RDH13: variants seen among roughly 807,000 people sequenced by gnomAD.
RDH13 encodes retinol dehydrogenase 13 (all-trans and 9-cis).
A neutral mutation model predicts 28.3 loss-of-function variants in RDH13; 35 were observed. That is an observed-to-expected ratio of 1.24 (90% CI 0.95 to 1.64). The LOEUF (loss-of-function observed/expected upper bound fraction) is 1.64. RDH13 is among the 40% of genes most tolerant of loss of function. RDH13 has a pLI of 0.00. For synonymous variants in RDH13, 229 were observed against 198.5 expected, an observed-to-expected ratio of 1.15 and a Z score of -1.29; for missense variants, 514 against 446.3, an observed-to-expected ratio of 1.15 and a Z score of -1.37.
In RDH13 at chr19:55,047,302, C is replaced by CT; in HGVS notation, c.760+84dup. On this transcript the variant is annotated intron_variant, in intron 6 of 6. Transcript: ENST00000415061. ...GCAGGCATGAGGCCTCAGGGACGGT[C>CT]TCTGAGGGAGGGTCCTGGGCCCTGG... 3 of 1,540,386 alleles carry CT rather than the reference C, an allele frequency of 1.9e-6. No individual in the cohort carries two copies. The Admixed American group carries it at 5.9e-5, about 30-fold the overall frequency.
upstream of RDH13, among the ~76,000 whole-genome samples, chr19:55,066,720 TG>T (rs2075970315): frequency 6.6e-6 from 1 of 151,312 alleles, no homozygotes; most frequent in Non-Finnish European, 1.5e-5. Flanking sequence ...TCTCTTCTTG[TG>T]TGTGTCTCTC....
chr19:55,062,245 C>T (rs1049253071), intron 1 of RDH13, among the ~76,000 whole-genome samples: 4 of 152,176 alleles, frequency 2.6e-5, no homozygotes, highest in African/African-American at 9.7e-5. Context: ...CCACCACACC[C>T]ATGTCCCACA....
chr19:55,063,058 G>T lies in RDH13; in HGVS notation c.-26C>A. Reference sequence around the variant, plus strand: ...GCCGGGCCGGGGACAGGCGTCAGGCGTCAGGGGTCGGCGCGGAGCTTGCTG... The same window carrying T: ...GCCGGGCCGGGGACAGGCGTCAGGCTTCAGGGGTCGGCGCGGAGCTTGCTG... On this transcript the variant is annotated 5_prime_UTR_variant, in exon 1 of 7. Transcript: ENST00000415061. 1.5e-6 allele frequency: 2 copies of T among 1,318,298 alleles called. No homozygotes were observed. The highest frequency in any genetic ancestry group is 1.9e-6 in the Non-Finnish European group (2 of 1,040,684). 81.7% of individuals were successfully genotyped at this position (1,318,298 alleles called of 1,614,324 possible). A position where few individuals can be genotyped will look rare whatever the true frequency, so the allele number is the denominator to read the frequency against.
intron 3 of RDH13, among the ~76,000 whole-genome samples, chr19:55,054,465 C>A (rs10421878): frequency 0.16 from 24,303 of 152,068 alleles, 2,358 homozygotes; most frequent in African/African-American, 0.27. Context: ...ATGGTGGCAC[C>A]CGCCTATAGT....
chr19:55,063,851 C>T (rs777743440), upstream of RDH13: 68 of 153,198 alleles, frequency 4.4e-4, no homozygotes, highest in Non-Finnish European at 7.6e-4. Flanking sequence ...ATTGCACACA[C>T]TCCTGCACTT....
intron 2 of RDH13, among the ~76,000 whole-genome samples, chr19:55,057,435 C>CTTTT (rs35843215): frequency 7.3e-6 from 1 of 136,956 alleles, no homozygotes; most frequent in African/African-American, 2.7e-5. Context: ...CCATCCTCTC[C>CTTTT]TTTTTTTTTT....
Position 55,045,293 on chromosome 19 carries a change from C to T in RDH13, c.777G>A (p.Leu259=). ...SSTTLGPIFW[L]LVKSPELAAQ... ...CGGCCAGCTCGGGGCTCTTGACCAG[C>T]AGCCAGAAGATGGGCCCTGCAATCA... The change falls in exon 7 of 7, where the codon CTG becomes CTA. Residue 259 remains leucine, a synonymous_variant. Coordinates refer to ENST00000415061, the MANE Select transcript of RDH13 (RefSeq NM_001145971.2). 1 of 1,612,248 alleles carries T rather than the reference C, an allele frequency of 6.2e-7. No homozygotes were observed. Among genetic ancestry groups the T allele is most frequent in the Non-Finnish European group, 8.5e-7 (1 of 1,179,698 alleles).
chr19:55,052,432 T>C (rs1230863836), intron 3 of RDH13, among the ~76,000 whole-genome samples: 1 of 150,976 alleles, frequency 6.6e-6, no homozygotes, highest in African/African-American at 2.4e-5. Context: ...TAATCCCAGC[T>C]ACTCGGGAGG....
intron 6 of RDH13, chr19:55,046,327 AT>A (rs1462472233): frequency 6.7e-6 from 1 of 149,842 alleles, no homozygotes; most frequent in Admixed American, 6.6e-5. Context: ...CAGTGGTGTG[AT>A]CTCAGCTCAC....
At chr19:55,056,590 C>CA in intron 3 of RDH13, 63 bp downstream of exon 3, 2 of 1,575,876 alleles carry the variant, frequency 1.3e-6, no homozygotes, top group Non-Finnish European at 1.7e-6. Context: ...ATTCACTTCT[C>CA]AGAGCCTGGC....
upstream of RDH13, chr19:55,063,273 G>GGTTTCA (rs1277152296): frequency 2.5e-6 from 1 of 392,756 alleles, no homozygotes. Context: ...TGGGATTGGT[G>GGTTTCA]GTTTCAGGAG....
intron 2 of RDH13, 31 bp downstream of exon 2, chr19:55,059,126 T>G (rs776575693): frequency 1.4e-6 from 2 of 1,408,166 alleles, no homozygotes; most frequent in South Asian, 2.5e-5. Flanking sequence ...TACAGATATC[T>G]CTCTGAGAGC....
At chr19:55,045,433 C>T (rs1298466478) in intron 6 of RDH13, 124 bp from the exon 7 acceptor site, 3 of 672,146 alleles carry the variant, frequency 4.5e-6, no homozygotes, top group Non-Finnish European at 7.4e-6. Flanking sequence ...GCCCTTTCCC[C>T]TTGGCTGCCT....
At chr19:55,057,435 C>CTTT (rs35843215) in intron 2 of RDH13, among the ~76,000 whole-genome samples, 28 of 136,948 alleles carry the variant, frequency 2.0e-4, no homozygotes, top group Middle Eastern at 3.8e-3. Flanking sequence ...CCATCCTCTC[C>CTTT]TTTTTTTTTT....
chr19:55,045,009 G>A lies in RDH13; in HGVS notation c.*65C>T, dbSNP rs1367205336. ...GGCTCAGGTAGTGCCAGGAAGCTGC[G>A]GGCATGGCGGACAGCTGTCCTCGGT... On this transcript the variant is annotated 3_prime_UTR_variant, in exon 7 of 7. Coordinates refer to ENST00000415061, the MANE Select transcript of RDH13 (RefSeq NM_001145971.2). The A allele has an allele frequency of 1.9e-5, 23 of 1,221,104 alleles. No homozygotes were observed. Among genetic ancestry groups the A allele is most frequent in the Middle Eastern group, 2.2e-4 (1 of 4,584 alleles). The allele number at this position is 1,221,104 out of a possible 1,614,324, so 75.6% of individuals were successfully genotyped here.
downstream of RDH13, chr19:55,042,079 C>T (rs1042608648): frequency 6.6e-6 from 1 of 151,450 alleles, no homozygotes; most frequent in Non-Finnish European, 1.5e-5. Context: ...CCCCTCCCTC[C>T]CTGCTTTCTG....
chr19:55,062,841 C>T (rs1047266795), intron 1 of RDH13, 127 bp downstream of exon 1: 1 of 794,928 alleles, frequency 1.3e-6, no homozygotes, highest in Non-Finnish European at 1.8e-6. Flanking sequence ...CCACTCCGGG[C>T]GGGCACTGCG....
rs1229122036 is a variant in RDH13 at position 55,045,084 on chromosome 19, A to AG, written c.985dup (p.Leu329ProfsTer47). 1.9e-6 allele frequency: 3 copies of AG among 1,600,554 alleles called. No individual in the cohort carries two copies. Among genetic ancestry groups the AG allele is most frequent in the Non-Finnish European group, 2.6e-6 (3 of 1,173,740 alleles). On this transcript the variant is annotated frameshift_variant, in exon 7 of 7. Coordinates refer to ENST00000415061, the MANE Select transcript of RDH13 (RefSeq NM_001145971.2). LOFTEE classifies it high-confidence loss of function. ...AATCTGCTCCAGAGGTTATCTGGGG[A>AG]GGGGCTGCTCCCTCACAGAGGGAGC...
Position 55,045,121 on chromosome 19 carries a change from C to A in RDH13, c.949G>T (p.Val317Leu), listed in dbSNP as rs759122702. Residue 317 changes from valine to leucine, a missense_variant, in exon 7 of 7, where the codon GTG becomes TTG. Coordinates refer to ENST00000415061, the MANE Select transcript of RDH13 (RefSeq NM_001145971.2). ...CTCACAGAGGGAGCCTCTAAGCCCA[C>A]CAGGCGGGCACTTTCAGCCCAAAGC... ...RRLWAESARL[V>L]GLEAPSVREQ... 1 of 1,613,374 alleles carries A rather than the reference C, an allele frequency of 6.2e-7. No individual in the cohort carries two copies. Among genetic ancestry groups the A allele is most frequent in the Middle Eastern group, 1.7e-4 (1 of 6,060 alleles).
Sources: gnomAD v4.1 joint callset for allele counts (sites outside exome capture counted in the v4.1 genomes callset) on GRCh38, gnomAD v4.1.1 for gene constraint, MANE v1.5 for transcripts, NCBI Gene and HGNC (gene_info 2026-07-23, HGNC 2026-07-21) for gene names.